The following ZNF555 variants were observed in gnomAD, a reference collection of about 807,000 sequenced individuals.
ZNF555 encodes the protein zinc finger protein 555.
Under a neutral mutation model 14.0 loss-of-function variants are expected in ZNF555, and 10 were observed. That is an observed-to-expected ratio of 0.72 (90% CI 0.44 to 1.21). The LOEUF (loss-of-function observed/expected upper bound fraction) is 1.21, where lower values mean the gene tolerates loss of function less well. Ranked by LOEUF, ZNF555 falls within the 50% of genes most tolerant of loss-of-function variation. ZNF555 has a pLI of 0.00. For missense variants in ZNF555, 747 were observed against 762.0 expected (o/e 0.98, Z 0.23); for synonymous variants, 277 against 262.4 (o/e 1.06, Z -0.54).
intron 1 of ZNF555, among the ~76,000 whole-genome samples, chr19:2,844,439 A>G (rs1403691901): frequency 1.3e-5 from 2 of 151,982 alleles, no homozygotes; most frequent in Non-Finnish European, 2.9e-5. Flanking sequence ...GGGTTTTGCC[A>G]TGTTGGCCAG....
At chr19:2,845,833 A>G (rs2087577975) in intron 1 of ZNF555, among the ~76,000 whole-genome samples, 1 of 152,146 alleles carries the variant, frequency 6.6e-6, no homozygotes, top group African/African-American at 2.4e-5. Context: ...AGAGGCACCA[A>G]TTCCTGCACA....
Position 2,859,159 on chromosome 19 carries a change from T to C in ZNF555, c.*5207T>C, listed in dbSNP as rs1211933581. On this transcript the variant is annotated 3_prime_UTR_variant, in exon 4 of 4. Coordinates refer to ENST00000334241, the MANE Select transcript of ZNF555 (RefSeq NM_152791.5). ...CCAGGATGCAACACGGGCTCGCGTC[T>C]AAAAGAGCTGTGCTTTGTTGGGGCT... 1 of 152,248 alleles carries C rather than the reference T, an allele frequency of 6.6e-6. No homozygotes were observed. The highest frequency in any genetic ancestry group is 1.5e-5 in the Non-Finnish European group (1 of 68,070). 9.4% of individuals were successfully genotyped at this position (152,248 alleles called of 1,614,324 possible).
At chr19:2,852,050 C>A (rs2087634394) in intron 3 of ZNF555, among the ~76,000 whole-genome samples, 1 of 151,866 alleles carries the variant, frequency 6.6e-6, no homozygotes, top group Non-Finnish European at 1.5e-5. Flanking sequence ...ACTCGGGAGG[C>A]TGAGGCAGAA....
chr19:2,853,096 A>C lies in ZNF555; in HGVS notation c.1031A>C (p.Gln344Pro). 1 of 1,614,168 alleles carries C rather than the reference A, an allele frequency of 6.2e-7. No individual in the cohort carries two copies. The highest frequency in any genetic ancestry group is 8.5e-7 in the Non-Finnish European group (1 of 1,180,018). ...GGAGAGAAACCCTACGAATGCAAAC[A>C]ATGTGGGAAAACCTTCATTTATCTC... is the stretch of plus-strand genomic sequence containing the variant. ...HTGEKPYECK[Q>P]CGKTFIYLQS... The change falls in exon 4 of 4, where the codon CAA becomes CCA. Residue 344 changes from glutamine (Q) to proline (P), a missense_variant. Gln to Pro is a moderately conservative substitution (Grantham distance 76). Transcript: ENST00000334241.
At position 2,853,431 on chromosome 19, in the gene ZNF555, C is replaced by T. The variant is rs754331627; in HGVS notation, c.1366C>T (p.Gln456Ter). ...HTREKPYECK[Q>*]CGKAFSLSAC... ...TAGAGAGAAACCCTATGAATGTAAG[C>T]AGTGTGGGAAAGCCTTCAGCTTGTC... The change falls in exon 4 of 4, where the codon CAG becomes TAG. Residue 456 changes from glutamine (Q) to a stop codon, truncating the protein, a stop_gained. Transcript: ENST00000334241. LOFTEE classifies it low-confidence loss of function (END_TRUNC). 7.4e-6 allele frequency: 12 copies of T among 1,614,030 alleles called. No individual in the cohort carries two copies. Among genetic ancestry groups the T allele is most frequent in the Non-Finnish European group, 1.0e-5 (12 of 1,180,026 alleles).
rs1373856579 is a variant in ZNF555, at chr19:2,856,067, A to G, written c.*2115A>G. 1 of 152,230 alleles carries G rather than the reference A, an allele frequency of 6.6e-6. No individual in the cohort carries two copies. Among genetic ancestry groups the G allele is most frequent in the African/African-American group, 2.4e-5 (1 of 41,454 alleles). The allele number at this position is 152,230 out of a possible 1,614,324, so 9.4% of individuals were successfully genotyped here. ...ATTTTTTGTTTACCGAGAGAATTAC[A>G]GATTTCAAATCAACTTTGTAATTTT... On this transcript the variant is annotated 3_prime_UTR_variant, in exon 4 of 4. Coordinates refer to ENST00000334241, the MANE Select transcript of ZNF555 (RefSeq NM_152791.5).
chr19:2,852,796 C>A lies in ZNF555; in HGVS notation c.731C>A (p.Thr244Asn), dbSNP rs1263486952. 6.2e-7 allele frequency: 1 copy of A among 1,613,970 alleles called. No individual in the cohort carries two copies. Among genetic ancestry groups the A allele is most frequent in the South Asian group, 1.1e-5 (1 of 91,084 alleles). The change falls in exon 4 of 4, where the codon ACT becomes AAT. Residue 244 changes from threonine to asparagine, a missense_variant. By Grantham distance (65) the Thr-to-Asn change is moderately conservative. Coordinates refer to ENST00000334241, the MANE Select transcript of ZNF555 (RefSeq NM_152791.5). ...GKAFIDFSSL[T>N]SHLRSHTGEK... The stretch of plus-strand genomic sequence containing the variant: ...GCCTTTATTGACTTCTCAAGTCTTA[C>A]TAGTCATCTCAGAAGTCACACCGGA...
intron 1 of ZNF555, among the ~76,000 whole-genome samples, chr19:2,848,906 C>T (rs2144849787): frequency 6.6e-6 from 1 of 152,284 alleles, no homozygotes; most frequent in Non-Finnish European, 1.5e-5. Flanking sequence ...TTCCCAAAAC[C>T]CAAGTTCCCA....
chr19:2,845,960 A>G (rs2087578904), intron 1 of ZNF555, among the ~76,000 whole-genome samples: 1 of 152,158 alleles, frequency 6.6e-6, no homozygotes, highest in African/African-American at 2.4e-5. Flanking sequence ...ACAGGTAGTC[A>G]GTCCCCTTGG....
At chr19:2,851,257 A>G (rs770753754) in intron 2 of ZNF555, among the ~76,000 whole-genome samples, 1 of 151,746 alleles carries the variant, frequency 6.6e-6, no homozygotes, top group Admixed American at 6.6e-5. Context: ...CAGCCTCCCA[A>G]AGTGCTGGGA....
In ZNF555 at chr19:2,856,858, G is replaced by GCTCCC. The variant is rs2087687212; in HGVS notation, c.*2907_*2908insTCCCC. 6.6e-6 allele frequency: 1 copy of GCTCCC among 152,216 alleles called. No homozygotes were observed. Among genetic ancestry groups the GCTCCC allele is most frequent in the African/African-American group, 2.4e-5 (1 of 41,448 alleles). 9.4% of individuals were successfully genotyped at this position (152,216 alleles called of 1,614,324 possible). On this transcript the variant is annotated 3_prime_UTR_variant, in exon 4 of 4. Transcript: ENST00000334241. ...TTGGAGCTGAAAACTAATCAGTAAA[G>GCTCCC]CCACAGCAGCCAGTCATATGGGGGA...
chr19:2,847,554 A>G (rs1184244701), intron 1 of ZNF555, among the ~76,000 whole-genome samples: 5 of 152,216 alleles, frequency 3.3e-5, no homozygotes, highest in Non-Finnish European at 5.9e-5. Flanking sequence ...AAAATTGGAG[A>G]AAAAATCCTT....
chr19:2,850,204 G>A (rs2087617011), intron 1 of ZNF555, among the ~76,000 whole-genome samples: 1 of 152,216 alleles, frequency 6.6e-6, no homozygotes, highest in South Asian at 2.1e-4. Flanking sequence ...TGTGCTTTGT[G>A]TAGTGCCGAA....
At chr19:2,844,980 A>AT (rs909304998) in intron 1 of ZNF555, among the ~76,000 whole-genome samples, 45 of 152,074 alleles carry the variant, frequency 3.0e-4, no homozygotes, top group African/African-American at 1.0e-3. Context: ...TTTAATTTCC[A>AT]TTTTTATTTC....
In ZNF555 at chr19:2,842,125, C is replaced by T. The variant is rs550721779; in HGVS notation, c.3+550C>T. Among the ~76,000 whole-genome samples, 890 of 152,240 alleles carry T rather than the reference C, an allele frequency of 5.8e-3. 9 individuals carry two copies. Among genetic ancestry groups the T allele is most frequent in the African/African-American group, 0.02 (843 of 41,562 alleles). ...CCTCCGGCCGCGGTCTCTGGGGGAC[C>T]CTGGGTTCCTCCCGGGACAGCCCGG... On this transcript the variant is annotated intron_variant, in intron 1 of 3. Coordinates refer to ENST00000334241, the MANE Select transcript of ZNF555 (RefSeq NM_152791.5).
intron 1 of ZNF555, among the ~76,000 whole-genome samples, chr19:2,842,260 T>C (rs2087543870): frequency 1.3e-5 from 2 of 152,154 alleles, no homozygotes. Context: ...GAGGACTTCT[T>C]GTCCCCTCTG....
At chr19:2,846,000 C>T (rs1398296361) in intron 1 of ZNF555, among the ~76,000 whole-genome samples, 2 of 152,088 alleles carry the variant, frequency 1.3e-5, no homozygotes, top group Non-Finnish European at 2.9e-5. Context: ...GTCGGGACAC[C>T]CCAAGCAGGA....
Position 2,856,987 on chromosome 19 carries a change from T to C in ZNF555, c.*3035T>C, listed in dbSNP as rs911754962. The C allele has an allele frequency of 3.3e-5, 5 of 152,192 alleles. No homozygotes were observed. Among genetic ancestry groups the C allele is most frequent in the African/African-American group, 1.2e-4 (5 of 41,444 alleles). 9.4% of individuals were successfully genotyped at this position (152,192 alleles called of 1,614,324 possible). On this transcript the variant is annotated 3_prime_UTR_variant, in exon 4 of 4. Transcript: ENST00000334241. ...ACGAGAAAATTTTTCATGTGTTTTA[T>C]AGGCCAAGGAGGCAGAAGCTTTTGT...
At chr19:2,850,407 T>G (rs966403334) in intron 1 of ZNF555, among the ~76,000 whole-genome samples, 180 bp from the exon 2 acceptor site, 1 of 152,228 alleles carries the variant, frequency 6.6e-6, no homozygotes, top group African/African-American at 2.4e-5. Flanking sequence ...AGTGTGTTAA[T>G]GGTCCTGTGA....
Sources: allele counts gnomAD v4.1 joint callset (sites outside exome capture counted in the v4.1 genomes callset), GRCh38; gene constraint gnomAD v4.1.1; transcripts MANE v1.5; gene names NCBI Gene and HGNC (gene_info 2026-07-23, HGNC 2026-07-21).